The following TMC7 variants were observed in gnomAD, a reference collection of about 807,000 sequenced individuals.
The protein encoded by TMC7 is transmembrane channel like 7, also known as transmembrane channel-like protein 7.
TMC7 carries 54 observed loss-of-function variants against 82.9 expected under a neutral mutation model. The observed-to-expected ratio is 0.65, with a 90% CI of 0.52 to 0.82. The LOEUF (loss-of-function observed/expected upper bound fraction) is 0.82, where lower values mean the gene tolerates loss of function less well. Ranked by LOEUF, TMC7 falls within the 40% of genes least tolerant of loss-of-function variation. The pLI is 0.00. For synonymous variants in TMC7, 350 were observed against 337.9 expected (o/e 1.04, Z -0.39); for missense variants, 820 against 901.2 (o/e 0.91, Z 1.15).
chr16:19,006,363 T>C (rs932407931), intron 1 of TMC7, among the ~76,000 whole-genome samples: 4 of 152,202 alleles, frequency 2.6e-5, no homozygotes, highest in Non-Finnish European at 5.9e-5. Context: ...TTTGTATTTT[T>C]AGTAGAGACA....
At chr16:19,036,791 A>C (rs1193677337) in intron 7 of TMC7, among the ~76,000 whole-genome samples, 1 of 152,208 alleles carries the variant, frequency 6.6e-6, no homozygotes, top group Non-Finnish European at 1.5e-5. Flanking sequence ...AATAAAAATA[A>C]ACCCATCAAA....
At chr16:19,054,798 G>A (rs898255326) in intron 13 of TMC7, among the ~76,000 whole-genome samples, 1 of 137,508 alleles carries the variant, frequency 7.3e-6, no homozygotes, top group Non-Finnish European at 1.5e-5. Flanking sequence ...AGGCTGGAGT[G>A]CAGTGTCACC....
At chr16:19,051,629 A>G (rs1225228477) in intron 12 of TMC7, 57 bp from the exon 13 acceptor site, 4 of 1,596,860 alleles carry the variant, frequency 2.5e-6, no homozygotes, top group African/African-American at 1.3e-5. Flanking sequence ...GCACTTATTT[A>G]TCTTCACAGA....
At chr16:19,052,083 A>C (rs1961565916) in intron 13 of TMC7, among the ~76,000 whole-genome samples, 1 of 152,036 alleles carries the variant, frequency 6.6e-6, no homozygotes, top group African/African-American at 2.4e-5. Flanking sequence ...GGTGTGTTCC[A>C]CTATGCCCAG....
chr16:18,990,642 A>C (rs1596712401), intron 1 of TMC7, among the ~76,000 whole-genome samples: 3 of 152,142 alleles, frequency 2.0e-5, no homozygotes, highest in Non-Finnish European at 4.4e-5. Context: ...GGGTGGTGGG[A>C]TTATCGTTGG....
At chr16:19,024,057 A>C (rs1960111380) in intron 5 of TMC7, among the ~76,000 whole-genome samples, 1 of 152,088 alleles carries the variant, frequency 6.6e-6, no homozygotes. Flanking sequence ...AACATCCCCC[A>C]CCACCACCCC....
chr16:19,049,676 G>A (rs1961437446), intron 12 of TMC7: 1 of 985,154 alleles, frequency 1.0e-6, no homozygotes, highest in Non-Finnish European at 1.2e-6. Flanking sequence ...GTGATGGGTT[G>A]GGTCATGGTG....
At chr16:19,016,667 G>T (rs1025096430) in intron 3 of TMC7, 69 bp downstream of exon 3, 1 of 1,518,022 alleles carries the variant, frequency 6.6e-7, no homozygotes, top group Non-Finnish European at 8.9e-7. Context: ...GTACAGCTTC[G>T]TTTCCACTAG....
chr16:19,038,522 T>C (rs1269560161), intron 8 of TMC7, among the ~76,000 whole-genome samples: 1 of 150,902 alleles, frequency 6.6e-6, no homozygotes, highest in Non-Finnish European at 1.5e-5. Flanking sequence ...AGAACTTTTT[T>C]GTTTTTGTTG....
In TMC7 at chr16:19,044,287, A is replaced by C. The variant is rs112335350; in HGVS notation, c.1338-597A>C. 3.7e-3 allele frequency among the ~76,000 whole-genome samples: 566 copies of C among 152,240 alleles called. 4 individuals carry two copies. Among genetic ancestry groups the C allele is most frequent in the African/African-American group, 0.013 (536 of 41,550 alleles). On this transcript the variant is annotated intron_variant, in intron 9 of 15. Coordinates refer to ENST00000304381, the MANE Select transcript of TMC7 (RefSeq NM_024847.4). ...TGGGCTCAAACAATCCTCTGGGCTC[A>C]AGCAATCCTCTTGACTCAGCCTCCT...
At chr16:19,044,327 C>T (rs1961160680) in intron 9 of TMC7, among the ~76,000 whole-genome samples, 1 of 152,122 alleles carries the variant, frequency 6.6e-6, no homozygotes, top group Non-Finnish European at 1.5e-5. Context: ...AGCTGGGTCA[C>T]CACCACACCT....
intron 1 of TMC7, among the ~76,000 whole-genome samples, chr16:18,987,252 A>C (rs1267261849): frequency 6.6e-6 from 1 of 152,026 alleles, no homozygotes; most frequent in Non-Finnish European, 1.5e-5. Context: ...CAAAGCTCTT[A>C]CCACCACCTG....
At chr16:19,001,650 T>A (rs972624298) in intron 1 of TMC7, among the ~76,000 whole-genome samples, 13 of 152,092 alleles carry the variant, frequency 8.5e-5, no homozygotes, top group Non-Finnish European at 1.3e-4. Context: ...ACCACTGCAC[T>A]CCAGCCTGGG....
chr16:19,035,854 G>T, intron 7 of TMC7, 31 bp downstream of exon 7: 1 of 1,537,892 alleles, frequency 6.5e-7, no homozygotes. Flanking sequence ...CCGTGGTGGG[G>T]TCCTCACCAG....
At chr16:19,049,792 T>TG (rs1596791874) in intron 12 of TMC7, 1 of 286,538 alleles carries the variant, frequency 3.5e-6, no homozygotes, top group African/African-American at 2.3e-5. Context: ...GCTCACAAGA[T>TG]GTTCCGGCTC....
rs1343939384 is a variant in TMC7, at chr16:18,998,994, C to T, written c.68-10178C>T. Among the ~76,000 whole-genome samples the T allele has an allele frequency of 2.0e-5, 3 of 152,122 alleles. No homozygotes were observed. In the East Asian group the frequency reaches 5.8e-4, roughly 29 times the overall value. ...GGCTACCAGGGCCTCTGGCTCCTCCCCTCTCAGACTAAGCTCTGGGCTGCT... is the reference window on the plus strand; with the variant it reads ...GGCTACCAGGGCCTCTGGCTCCTCCTCTCTCAGACTAAGCTCTGGGCTGCT... On this transcript the variant is annotated intron_variant, in intron 1 of 15. Coordinates refer to ENST00000304381, the MANE Select transcript of TMC7 (RefSeq NM_024847.4).
chr16:19,050,749 C>T (rs1961500855), intron 12 of TMC7, among the ~76,000 whole-genome samples: 1 of 151,996 alleles, frequency 6.6e-6, no homozygotes, highest in Non-Finnish European at 1.5e-5. Flanking sequence ...GATCCACCCA[C>T]CTAGGCCTCC....
At chr16:19,037,204 A>G (rs1198855605) in intron 7 of TMC7, among the ~76,000 whole-genome samples, 1 of 151,664 alleles carries the variant, frequency 6.6e-6, no homozygotes, top group Non-Finnish European at 1.5e-5. Context: ...CCTGGCCAAT[A>G]TGGTGAAACC....
intron 1 of TMC7, among the ~76,000 whole-genome samples, chr16:18,998,758 A>G (rs1239656666): frequency 2.0e-5 from 3 of 151,448 alleles, no homozygotes; most frequent in South Asian, 2.1e-4. Flanking sequence ...TGTCTCAAAA[A>G]AAAAAAAAGA....
Sources: gnomAD v4.1 joint callset for allele counts (sites outside exome capture counted in the v4.1 genomes callset) on GRCh38, gnomAD v4.1.1 for gene constraint, MANE v1.5 for transcripts, NCBI Gene and HGNC (gene_info 2026-07-23, HGNC 2026-07-21) for gene names.